Variants in MACROD2 observed in about 807,000 individuals in gnomAD.
The protein encoded by MACROD2 is ADP-ribose glycohydrolase MACROD2.
MACROD2 carries 36 observed loss-of-function variants against 70.4 expected under a neutral mutation model. That is an observed-to-expected ratio of 0.51 (90% CI 0.39 to 0.68). MACROD2 has a LOEUF of 0.68. Ranked by LOEUF, MACROD2 falls within the 30% of genes least tolerant of loss-of-function variation. The pLI is 0.00. For synonymous variants in MACROD2, 172 were observed against 178.8 expected, an observed-to-expected ratio of 0.96 and a Z score of 0.30; for missense variants, 496 against 538.4, an observed-to-expected ratio of 0.92 and a Z score of 0.78.
At chr20:15,786,900 C>A (rs1047117933) in intron 8 of MACROD2, among the ~76,000 whole-genome samples, 1 of 152,112 alleles carries the variant, frequency 6.6e-6, no homozygotes, top group African/African-American at 2.4e-5. Flanking sequence ...AGATGGCATA[C>A]AAAGTGTAAG....
chr20:14,771,554 A>G (rs568987850), intron 5 of MACROD2, among the ~76,000 whole-genome samples: 54 of 151,586 alleles, frequency 3.6e-4, no homozygotes, highest in African/African-American at 1.2e-3. Context: ...ATTTTGTATG[A>G]ATGTCACAAT....
chr20:15,618,159 T>C (rs1279743336), intron 8 of MACROD2, among the ~76,000 whole-genome samples: 2 of 148,882 alleles, frequency 1.3e-5, no homozygotes, highest in Non-Finnish European at 3.0e-5. Context: ...CTTTGGGCTC[T>C]TGGGGCTCCC....
intron 8 of MACROD2, among the ~76,000 whole-genome samples, chr20:15,543,694 G>T (rs1328539736): frequency 6.6e-6 from 1 of 152,180 alleles, no homozygotes; most frequent in Non-Finnish European, 1.5e-5. Flanking sequence ...AAACACAGTA[G>T]GCACTTTTTG....
chr20:14,216,070 C>G (rs2081620257), intron 3 of MACROD2, among the ~76,000 whole-genome samples: 1 of 152,004 alleles, frequency 6.6e-6, no homozygotes, highest in Non-Finnish European at 1.5e-5. Flanking sequence ...GGTTCTTGGT[C>G]ATGAAATCGT....
intron 3 of MACROD2, among the ~76,000 whole-genome samples, chr20:14,196,080 C>T (rs1041322162): frequency 1.3e-5 from 2 of 152,082 alleles, no homozygotes; most frequent in Non-Finnish European, 2.9e-5. Flanking sequence ...ACAGCCTGCC[C>T]GTCTGTATGC....
chr20:15,584,488 A>G (rs926158140), intron 8 of MACROD2, among the ~76,000 whole-genome samples: 12 of 152,264 alleles, frequency 7.9e-5, no homozygotes, highest in African/African-American at 2.7e-4. Flanking sequence ...CATTGATATT[A>G]CAGTTGACAA....
intron 3 of MACROD2, among the ~76,000 whole-genome samples, chr20:14,251,892 C>T (rs1226483781): frequency 6.6e-6 from 1 of 151,962 alleles, no homozygotes; most frequent in Admixed American, 6.6e-5. Flanking sequence ...ATTAATTTAC[C>T]TTCTTGGGAA....
intron 4 of MACROD2, among the ~76,000 whole-genome samples, chr20:14,543,318 G>A (rs2085455468): frequency 6.6e-6 from 1 of 152,076 alleles, no homozygotes; most frequent in African/African-American, 2.4e-5. Flanking sequence ...TAACTAGTTG[G>A]CACAACATGC....
intron 6 of MACROD2, among the ~76,000 whole-genome samples, chr20:15,403,831 G>A (rs1029113891): frequency 6.6e-6 from 1 of 152,098 alleles, no homozygotes; most frequent in Non-Finnish European, 1.5e-5. Flanking sequence ...GCAAGTCCAG[G>A]GCATTAATGA....
intron 3 of MACROD2, among the ~76,000 whole-genome samples, chr20:14,425,215 C>G (rs1190504302): frequency 6.6e-6 from 1 of 152,124 alleles, no homozygotes; most frequent in East Asian, 1.9e-4. Flanking sequence ...AGTGTCATAT[C>G]TTTAAGTACA....
At chr20:15,282,931 C>G (rs899653609) in intron 6 of MACROD2, among the ~76,000 whole-genome samples, 15 of 152,170 alleles carry the variant, frequency 9.9e-5, no homozygotes, top group African/African-American at 3.4e-4. Context: ...AATTGACTCA[C>G]AGTTCTGCAT....
chr20:15,807,469 G>C (rs908869078), intron 8 of MACROD2, among the ~76,000 whole-genome samples: 1 of 152,094 alleles, frequency 6.6e-6, no homozygotes, highest in Non-Finnish European at 1.5e-5. Flanking sequence ...TAGAAGATTC[G>C]AGTTGAAGAT....
intron 8 of MACROD2, among the ~76,000 whole-genome samples, chr20:15,836,801 C>A (rs1358988144): frequency 6.6e-6 from 1 of 152,060 alleles, no homozygotes; most frequent in East Asian, 1.9e-4. Flanking sequence ...TTGTGGTAAA[C>A]CTCAAGAGTT....
chr20:15,715,223 T>C (rs2050691009), intron 8 of MACROD2, among the ~76,000 whole-genome samples: 1 of 150,082 alleles, frequency 6.7e-6, no homozygotes, highest in South Asian at 2.1e-4. Context: ...TTTTTTAGTG[T>C]GATTAAAAAA....
intron 3 of MACROD2, among the ~76,000 whole-genome samples, chr20:14,252,185 C>T (rs2082018818): frequency 6.6e-6 from 1 of 151,914 alleles, no homozygotes; most frequent in African/African-American, 2.4e-5. Context: ...GCATAATTAC[C>T]AGAGGCAGGA....
intron 2 of MACROD2, among the ~76,000 whole-genome samples, chr20:14,071,918 A>T (rs931967795): frequency 2.0e-5 from 3 of 152,190 alleles, no homozygotes; most frequent in African/African-American, 4.8e-5. Context: ...AAACAATTTT[A>T]AAAAATCAGA....
intron 6 of MACROD2, among the ~76,000 whole-genome samples, chr20:15,382,185 G>A (rs1046257377): frequency 3.3e-5 from 5 of 152,066 alleles, no homozygotes; most frequent in Non-Finnish European, 7.4e-5. Context: ...GAGAAAAAAA[G>A]ATTAAAAACA....
intron 3 of MACROD2, among the ~76,000 whole-genome samples, chr20:14,343,681 C>A (rs2083037770): frequency 6.6e-6 from 1 of 152,148 alleles, no homozygotes; most frequent in South Asian, 2.1e-4. Flanking sequence ...AGTATCTAAC[C>A]CTGGTTCTGA....
At chr20:14,894,938 A>G (rs1418462392) in intron 5 of MACROD2, 1 of 152,168 alleles carries the variant, frequency 6.6e-6, no homozygotes, top group African/African-American at 2.4e-5. Context: ...ATTGATTGCA[A>G]TCAAGTATGG....
Sources: allele counts gnomAD v4.1 joint callset (sites outside exome capture counted in the v4.1 genomes callset), GRCh38; gene constraint gnomAD v4.1.1; transcripts MANE v1.5; gene names NCBI Gene and HGNC (gene_info 2026-07-23, HGNC 2026-07-21).